The following PDE1C variants were observed in gnomAD, a reference collection of about 807,000 sequenced individuals.
PDE1C encodes phosphodiesterase 1C.
PDE1C carries 62 observed loss-of-function variants against 93.1 expected under a neutral mutation model. That is an observed-to-expected ratio of 0.67 (90% CI 0.54 to 0.82). PDE1C has a LOEUF of 0.82. Among genes scored for constraint, PDE1C ranks in the 40% least tolerant of loss-of-function variants. The pLI, the probability that PDE1C is intolerant of heterozygous loss-of-function variation, is 0.00. For synonymous variants in PDE1C, 325 were observed against 310.1 expected (o/e 1.05, Z -0.50); for missense variants, 742 against 884.6 (o/e 0.84, Z 2.04).
intron 2 of PDE1C, among the ~76,000 whole-genome samples, chr7:31,927,506 T>C (rs1456158685): frequency 6.6e-6 from 1 of 152,142 alleles, no homozygotes; most frequent in Non-Finnish European, 1.5e-5. Context: ...GACTGGGAGA[T>C]ACCTCCCAGC....
intron 3 of PDE1C, among the ~76,000 whole-genome samples, chr7:32,093,348 G>A (rs1797576612): frequency 6.6e-6 from 1 of 152,188 alleles, no homozygotes; most frequent in African/African-American, 2.4e-5. Context: ...CTCAAAGCAA[G>A]CTTGTCACTT....
chr7:32,042,408 C>T (rs908039521), intron 2 of PDE1C, among the ~76,000 whole-genome samples: 4 of 152,172 alleles, frequency 2.6e-5, no homozygotes, highest in African/African-American at 7.2e-5. Flanking sequence ...AACCCTGGCC[C>T]GACCATTTGT....
chr7:32,202,648 T>C (rs1432200910), intron 2 of PDE1C, among the ~76,000 whole-genome samples: 1 of 152,188 alleles, frequency 6.6e-6, no homozygotes, highest in Admixed American at 6.5e-5. Flanking sequence ...AGTCCCCTTG[T>C]GGGCAAGCAG....
intron 1 of PDE1C, among the ~76,000 whole-genome samples, chr7:32,308,589 T>C (rs183760871): frequency 0.11 from 16,220 of 151,788 alleles, 886 homozygotes; most frequent in East Asian, 0.36. Flanking sequence ...TCCGCTGTTC[T>C]ACAGCCACTG....
chr7:31,944,166 G>T (rs894693717), intron 2 of PDE1C, among the ~76,000 whole-genome samples: 1 of 152,068 alleles, frequency 6.6e-6, no homozygotes, highest in Non-Finnish European at 1.5e-5. Context: ...CAAATCCCCA[G>T]CACAAGACAC....
rs1807054689 is a variant in PDE1C, at chr7:31,949,357, G to A, written c.129-68497C>T. ...CACCTGTAATCCCAGCTGCTCGGGA[G>A]GCTGAGGCAGGAGAATCACTTGAAC... On this transcript the variant is annotated intron_variant, in intron 2 of 17. Transcript: ENST00000396191. Among the ~76,000 whole-genome samples the A allele has an allele frequency of 2.6e-5, 4 of 152,120 alleles. No homozygotes were observed. The South Asian group carries it at 8.3e-4, about 32-fold the overall frequency.
At chr7:31,836,967 T>C (rs1409217461) in intron 11 of PDE1C, among the ~76,000 whole-genome samples, 1 of 151,940 alleles carries the variant, frequency 6.6e-6, no homozygotes, top group Non-Finnish European at 1.5e-5. Flanking sequence ...CAAACAGAAA[T>C]GCATAGGATA....
At chr7:31,956,250 C>T (rs1808122747) in intron 2 of PDE1C, among the ~76,000 whole-genome samples, 2 of 152,070 alleles carry the variant, frequency 1.3e-5, no homozygotes, top group African/African-American at 2.4e-5. Context: ...TGCACCACCA[C>T]GCCCAGCTAA....
intron 3 of PDE1C, among the ~76,000 whole-genome samples, chr7:32,110,451 G>A (rs749336637): frequency 1.1e-4 from 16 of 152,288 alleles, no homozygotes; most frequent in Non-Finnish European, 1.9e-4. Flanking sequence ...CGTGGAAGTT[G>A]TGGGAGTTAC....
At chr7:31,865,290 G>A (rs1583668258) in intron 6 of PDE1C, among the ~76,000 whole-genome samples, 1 of 152,284 alleles carries the variant, frequency 6.6e-6, no homozygotes, top group African/African-American at 2.4e-5. Flanking sequence ...AGCCTGCCTT[G>A]TAAATTTTTC....
chr7:31,993,571 T>C (rs1784393820), intron 2 of PDE1C, among the ~76,000 whole-genome samples: 1 of 152,314 alleles, frequency 6.6e-6, no homozygotes, highest in East Asian at 1.9e-4. Flanking sequence ...ATAAAAGTTA[T>C]AGATATAAAA....
chr7:32,304,561 TA>T (rs1456569742), intron 1 of PDE1C, among the ~76,000 whole-genome samples: 41 of 152,182 alleles, frequency 2.7e-4, no homozygotes, highest in Non-Finnish European at 1.5e-5. Context: ...TTAAAATTAA[TA>T]AAATGAAACA....
chr7:32,140,454 G>A (rs532634283), intron 3 of PDE1C, among the ~76,000 whole-genome samples: 5 of 152,288 alleles, frequency 3.3e-5, no homozygotes, highest in Admixed American at 2.0e-4. Flanking sequence ...GGATTCTCAC[G>A]TGTAGAATAA....
chr7:32,237,386 G>A (rs1808187562), intron 1 of PDE1C, among the ~76,000 whole-genome samples: 1 of 151,934 alleles, frequency 6.6e-6, no homozygotes, highest in Admixed American at 6.6e-5. Context: ...TAATGTCAGA[G>A]AACAGATCTG....
intron 1 of PDE1C, among the ~76,000 whole-genome samples, chr7:32,338,861 A>G (rs59380836): frequency 0.015 from 2,262 of 151,886 alleles, 76 homozygotes; most frequent in African/African-American, 0.052. Context: ...AAATTAGCCA[A>G]GCGTGGTGGC....
chr7:31,710,143 T>TA, the PDE1C span, among the ~76,000 whole-genome samples: 2 of 152,176 alleles, frequency 1.3e-5, no homozygotes, highest in African/African-American at 4.8e-5. Context: ...AGTGAGTCTC[T>TA]ATCTCAGGAA....
intron 3 of PDE1C, among the ~76,000 whole-genome samples, chr7:32,100,139 A>G (rs777652363): frequency 6.6e-6 from 1 of 152,228 alleles, no homozygotes; most frequent in Non-Finnish European, 1.5e-5. Flanking sequence ...CAGGTAGTGC[A>G]TGGCAACTTT....
intron 14 of PDE1C, 58 bp from the exon 15 acceptor site, chr7:31,816,212 A>G (rs958684903): frequency 2.2e-5 from 32 of 1,487,430 alleles, no homozygotes; most frequent in Non-Finnish European, 2.7e-5. Flanking sequence ...TCATGCCGTT[A>G]GGAGAATGGC....
chr7:31,720,667 G>A, the PDE1C span, among the ~76,000 whole-genome samples: 13 of 152,288 alleles, frequency 8.5e-5, no homozygotes, highest in Middle Eastern at 3.4e-3. Flanking sequence ...ACAGGGTGTC[G>A]TTCTTGAACA....
Sources: allele counts gnomAD v4.1 joint callset (sites outside exome capture counted in the v4.1 genomes callset), GRCh38; gene constraint gnomAD v4.1.1; transcripts MANE v1.5; gene names NCBI Gene and HGNC (gene_info 2026-07-23, HGNC 2026-07-21).